RIMKLB: variants seen among roughly 807,000 people sequenced by gnomAD.
RIMKLB encodes the protein beta-citrylglutamate synthase B.
In RIMKLB, 7 loss-of-function variants were observed where a neutral mutation model predicts 32.0. The ratio of observed to expected loss-of-function variants is 0.22; its 90% confidence interval spans 0.12 to 0.41. The LOEUF is 0.41. Ranked by LOEUF, RIMKLB falls within the 10% of genes least tolerant of loss-of-function variation. The pLI is 1.00. For missense variants in RIMKLB, 289 were observed against 498.7 expected, an observed-to-expected ratio of 0.58 and a Z score of 4.00; for synonymous variants, 172 against 185.1, an observed-to-expected ratio of 0.93 and a Z score of 0.57.
chr12:8,740,247 A>G (rs528946037), intron 2 of RIMKLB, among the ~76,000 whole-genome samples: 30 of 152,216 alleles, frequency 2.0e-4, no homozygotes, highest in Non-Finnish European at 3.5e-4. Flanking sequence ...GATACGGTAA[A>G]TAATAATACC....
chr12:8,730,931 G>T (rs778239230), intron 2 of RIMKLB, among the ~76,000 whole-genome samples: 2 of 151,968 alleles, frequency 1.3e-5, no homozygotes, highest in Non-Finnish European at 2.9e-5. Context: ...GTAGAGATGG[G>T]GTTATGCCAT....
downstream of RIMKLB, chr12:8,777,727 C>T: frequency 1.6e-6 from 2 of 1,252,532 alleles, no homozygotes; most frequent in Non-Finnish European, 1.0e-6. Flanking sequence ...AACTCCCCTT[C>T]CCCCAATAAT....
chr12:8,735,768 T>C (rs1045962305), intron 2 of RIMKLB, among the ~76,000 whole-genome samples: 1 of 152,078 alleles, frequency 6.6e-6, no homozygotes, highest in African/African-American at 2.4e-5. Flanking sequence ...TTCGCTCTTA[T>C]TGCTCAGGCT....
chr12:8,751,983 A>T lies in RIMKLB; in HGVS notation c.433A>T (p.Ile145Phe). Residue 145 changes from isoleucine (I) to phenylalanine (F), a missense_variant, in exon 4 of 6, where the codon ATT becomes TTT. Coordinates refer to ENST00000535829, the MANE Select transcript of RIMKLB (RefSeq NM_001297776.2). ...TGGCCACGAAAATTTTGCTAAAATGATTGATGAGGCTGAAGTTCTGGAGTT... is the reference window on the plus strand; with the variant it reads ...TGGCCACGAAAATTTTGCTAAAATGTTTGATGAGGCTGAAGTTCTGGAGTT... ...YGGHENFAKMIDEAEVLEFPM... is the reference protein window; with the variant it reads ...YGGHENFAKMFDEAEVLEFPM... 1.2e-6 allele frequency: 2 copies of T among 1,613,696 alleles called. No homozygotes were observed. Among genetic ancestry groups the T allele is most frequent in the Non-Finnish European group, 1.7e-6 (2 of 1,179,718 alleles).
upstream of RIMKLB, among the ~76,000 whole-genome samples, chr12:8,680,246 C>T (rs914487622): frequency 2.6e-5 from 4 of 152,240 alleles, no homozygotes; most frequent in Non-Finnish European, 5.9e-5. Context: ...AGTTCCGCCT[C>T]CCAGGCTCAC....
At chr12:8,756,580 T>C (rs1762766226) in intron 5 of RIMKLB, among the ~76,000 whole-genome samples, 1 of 151,958 alleles carries the variant, frequency 6.6e-6, no homozygotes, top group Admixed American at 6.6e-5. Context: ...AGGCAATATA[T>C]TGATAAGTAT....
intron 2 of RIMKLB, among the ~76,000 whole-genome samples, chr12:8,747,259 C>G (rs1175864853): frequency 1.3e-5 from 2 of 152,186 alleles, no homozygotes; most frequent in Non-Finnish European, 2.9e-5. Flanking sequence ...ATATTTGACA[C>G]TTTACCTGAC....
chr12:8,722,180 A>C (rs772116082), intron 2 of RIMKLB, among the ~76,000 whole-genome samples: 1 of 151,752 alleles, frequency 6.6e-6, no homozygotes, highest in African/African-American at 2.4e-5. Flanking sequence ...TAAGATTTGA[A>C]AGTAGAAATT....
Position 8,712,632 on chromosome 12 carries a change from A to G in RIMKLB, c.-56-1179A>G, listed in dbSNP as rs1944468716. Among the ~76,000 whole-genome samples the G allele has an allele frequency of 1.3e-5, 2 of 152,128 alleles. 1 individual carries two copies. The highest frequency in any genetic ancestry group is 4.1e-4 in the South Asian group (2 of 4,834). ...TGGGTCAAGAGAGAGGTAGGTGGTC[A>G]AGTGTGGCAGACATGGCATTTCAAG... is the stretch of plus-strand genomic sequence containing the variant. On this transcript the variant is annotated intron_variant, in intron 1 of 5. Coordinates refer to ENST00000535829, the MANE Select transcript of RIMKLB (RefSeq NM_001297776.2).
chr12:8,682,076 G>GA (rs929750843), intron 1 of RIMKLB, among the ~76,000 whole-genome samples: 5 of 152,116 alleles, frequency 3.3e-5, no homozygotes, highest in East Asian at 1.9e-4. Context: ...TCAGTGTGGG[G>GA]AAAAAAACTC....
chr12:8,771,897 T>C lies in RIMKLB; in HGVS notation c.698-1424T>C, dbSNP rs1803881089. Reference sequence around the variant, plus strand: ...TGTTTTTGTTTTGTTTTGTTTTTGTTTTTGTTTTTGAGATGGAGTCTCGTT... The same window carrying C: ...TGTTTTTGTTTTGTTTTGTTTTTGTCTTTGTTTTTGAGATGGAGTCTCGTT... On this transcript the variant is annotated intron_variant, in intron 5 of 5. Transcript: ENST00000535829. Among the ~76,000 whole-genome samples, 2 of 152,148 alleles carry C rather than the reference T, an allele frequency of 1.3e-5. 1 individual carries two copies. Among genetic ancestry groups the C allele is most frequent in the South Asian group, 4.1e-4 (2 of 4,824 alleles).
At position 8,774,913 on chromosome 12, in the gene RIMKLB, G is replaced by A; in HGVS notation, c.*1129G>A. ...GCACGCATGCATGTGTATGTGTTTT[G>A]CTTTTTGTTTCCATCAACTAATCAA... On this transcript the variant is annotated 3_prime_UTR_variant, in exon 6 of 6. Transcript: ENST00000535829. The A allele has an allele frequency of 1.0e-6, 1 of 985,696 alleles. No individual in the cohort carries two copies. Among genetic ancestry groups the A allele is most frequent in the Non-Finnish European group, 1.2e-6 (1 of 829,870 alleles). 61.1% of individuals were successfully genotyped at this position (985,696 alleles called of 1,614,324 possible).
At chr12:8,679,001 T>C (rs945528166), upstream of RIMKLB, 1 of 152,356 alleles carries the variant, frequency 6.6e-6, no homozygotes, top group Non-Finnish European at 1.5e-5. Context: ...TTGAAAAAAC[T>C]CATTTGAGTG....
the RIMKLB span, among the ~76,000 whole-genome samples, chr12:8,676,290 T>C: frequency 6.7e-6 from 1 of 150,330 alleles, no homozygotes; most frequent in Non-Finnish European, 1.5e-5. Flanking sequence ...CCTGGGCTGG[T>C]CTCGAGCTCC....
chr12:8,698,616 C>T (rs1464546691), intron 1 of RIMKLB, among the ~76,000 whole-genome samples: 1 of 152,108 alleles, frequency 6.6e-6, no homozygotes, highest in Non-Finnish European at 1.5e-5. Context: ...GTTTCCCCGC[C>T]GGCGAGGGGG....
In RIMKLB at chr12:8,749,915, A is replaced by G. The variant is rs1175450736; in HGVS notation, c.229A>G (p.Arg77Gly). Residue 77 changes from arginine to glycine, a missense_variant, in exon 3 of 6, where the codon AGA (arginine) becomes GGA (glycine). Around this residue, in one of 3 missense-constraint regions of RIMKLB, gnomAD observed 156 missense variants for 329.5 expected, o/e 0.47. Coordinates refer to ENST00000535829, the MANE Select transcript of RIMKLB (RefSeq NM_001297776.2). ...TGCCTACCCACAAGTGGTGGTAGTC[A>G]GAGTACCAACCCCTTGGGTGCAAAG... ...ITAYPQVVVV[R>G]VPTPWVQSDS... 1 of 1,613,286 alleles carries G rather than the reference A, an allele frequency of 6.2e-7. No homozygotes were observed. Among genetic ancestry groups the G allele is most frequent in the Non-Finnish European group, 8.5e-7 (1 of 1,179,304 alleles).
rs35269536 is a variant in RIMKLB, at chr12:8,723,804, C to CTTTTTTTT, written c.175+9780_175+9787dup. The stretch of plus-strand genomic sequence containing the variant: ...ATTCTCATAGGCTTTCTTCAGTTCC[C>CTTTTTTTT]TTTTTTTTTTTTTTTTTTTTTTTTG... On this transcript the variant is annotated intron_variant, in intron 2 of 5. Coordinates refer to ENST00000535829, the MANE Select transcript of RIMKLB (RefSeq NM_001297776.2). Among the ~76,000 whole-genome samples, 101 of 75,520 alleles carry CTTTTTTTT rather than the reference C, an allele frequency of 1.3e-3. 2 individuals are homozygous for CTTTTTTTT. The highest frequency in any genetic ancestry group is 4.0e-3 in the African/African-American group (75 of 18,884). 49.5% of individuals were successfully genotyped at this position (75,520 alleles called of 152,430 possible).
downstream of RIMKLB, chr12:8,780,834 G>C (rs773125463): frequency 6.6e-6 from 1 of 152,288 alleles, no homozygotes; most frequent in African/African-American, 2.4e-5. Flanking sequence ...ATAAATGCCT[G>C]TAGGTCCTTG....
At chr12:8,677,837 C>A (rs960169642), upstream of RIMKLB, among the ~76,000 whole-genome samples, 1 of 151,584 alleles carries the variant, frequency 6.6e-6, no homozygotes, top group African/African-American at 2.4e-5. Flanking sequence ...ACTGGAACCT[C>A]CACCTCCTGG....
Sources: gnomAD v4.1 joint callset for allele counts (sites outside exome capture counted in the v4.1 genomes callset) on GRCh38, gnomAD v4.1.1 for gene constraint, gnomAD v4.1.1 regional missense constraint, MANE v1.5 for transcripts, NCBI Gene and HGNC (gene_info 2026-07-23, HGNC 2026-07-21) for gene names.